The following SYNPR variants were observed in gnomAD, a reference collection of about 807,000 sequenced individuals.
SYNPR encodes the protein synaptoporin.
Under a neutral mutation model 32.9 loss-of-function variants are expected in SYNPR, and 23 were observed. The ratio of observed to expected loss-of-function variants is 0.70; its 90% CI spans 0.50 to 0.99. The LOEUF (loss-of-function observed/expected upper bound fraction) is 0.99. Among genes scored for constraint, SYNPR ranks in the 50% least tolerant of loss-of-function variants. The pLI, the probability that SYNPR is intolerant of heterozygous loss-of-function variation, is 0.00. For missense variants in SYNPR, 318 were observed against 349.3 expected (o/e 0.91, Z 0.71); for synonymous variants, 146 against 135.9 (o/e 1.07, Z -0.52).
chr3:63,530,859 G>C (rs1421844309), intron 3 of SYNPR, among the ~76,000 whole-genome samples: 1 of 152,150 alleles, frequency 6.6e-6, no homozygotes, highest in East Asian at 1.9e-4. Flanking sequence ...GCAAAGCAGA[G>C]TGCCAGTATA....
intron 3 of SYNPR, among the ~76,000 whole-genome samples, chr3:63,490,179 G>C (rs1701233038): frequency 6.6e-6 from 1 of 152,098 alleles, no homozygotes; most frequent in Non-Finnish European, 1.5e-5. Context: ...ATTCCAGGGA[G>C]AGCAAAGGAC....
chr3:63,585,054 C>T (rs927895608), intron 4 of SYNPR, among the ~76,000 whole-genome samples: 15 of 152,020 alleles, frequency 9.9e-5, no homozygotes, highest in Non-Finnish European at 2.2e-4. Flanking sequence ...ATGTTCAGGC[C>T]TGCCATTATC....
At chr3:63,478,128 T>G (rs1463413988) in intron 2 of SYNPR, among the ~76,000 whole-genome samples, 1 of 152,184 alleles carries the variant, frequency 6.6e-6, no homozygotes, top group African/African-American at 2.4e-5. Flanking sequence ...AAAGAAAAAA[T>G]TGTGGTGTAT....
At chr3:63,335,691 A>T (rs568056214) in intron 2 of SYNPR, among the ~76,000 whole-genome samples, 1 of 138,238 alleles carries the variant, frequency 7.2e-6, no homozygotes, top group East Asian at 2.1e-4. Flanking sequence ...TCCTTTACAC[A>T]CTCTCCCTTT....
chr3:63,277,772 G>T (rs919673244), upstream of SYNPR, among the ~76,000 whole-genome samples: 1 of 151,872 alleles, frequency 6.6e-6, no homozygotes, highest in African/African-American at 2.4e-5. Flanking sequence ...TCTGCTCTGC[G>T]CCACTGTCCA....
intron 2 of SYNPR, among the ~76,000 whole-genome samples, chr3:63,464,797 G>A (rs1181671304): frequency 6.6e-6 from 1 of 152,018 alleles, no homozygotes; most frequent in East Asian, 1.9e-4. Context: ...CAACAAATAG[G>A]ATGTCTCTGA....
intron 2 of SYNPR, among the ~76,000 whole-genome samples, chr3:63,403,000 G>A (rs1023891226): frequency 6.6e-6 from 1 of 152,054 alleles, no homozygotes; most frequent in African/African-American, 2.4e-5. Flanking sequence ...GAGACCAAGG[G>A]GCTCTGGACA....
intron 2 of SYNPR, among the ~76,000 whole-genome samples, chr3:63,472,111 T>A (rs924625933): frequency 6.6e-6 from 1 of 152,222 alleles, no homozygotes; most frequent in Non-Finnish European, 1.5e-5. Flanking sequence ...GTCTTACAGA[T>A]GCTTCATGTA....
intron 2 of SYNPR, among the ~76,000 whole-genome samples, chr3:63,340,098 A>T (rs1460967206): frequency 1.3e-5 from 2 of 152,158 alleles, no homozygotes; most frequent in African/African-American, 4.8e-5. Context: ...ACCCTTGGGG[A>T]CTGGAGGTTT....
intron 2 of SYNPR, among the ~76,000 whole-genome samples, chr3:63,260,432 C>G (rs1293876280): frequency 2.0e-5 from 3 of 152,196 alleles, no homozygotes; most frequent in Non-Finnish European, 4.4e-5. Context: ...CTACAACCAT[C>G]TGATCTTTGA....
chr3:63,563,147 C>T (rs573335181), intron 4 of SYNPR, among the ~76,000 whole-genome samples: 34 of 152,164 alleles, frequency 2.2e-4, no homozygotes, highest in Non-Finnish European at 4.3e-4. Flanking sequence ...TGTCTTCCTC[C>T]AGTCCTTCTA....
chr3:63,554,178 T>C (rs955602270), intron 3 of SYNPR, among the ~76,000 whole-genome samples: 14 of 152,244 alleles, frequency 9.2e-5, no homozygotes, highest in Admixed American at 1.3e-4. Context: ...GTCCTGTAGG[T>C]CTTTTCATAG....
chr3:63,500,218 C>T (rs977398984), intron 3 of SYNPR, among the ~76,000 whole-genome samples: 4 of 151,950 alleles, frequency 2.6e-5, no homozygotes, highest in Non-Finnish European at 4.4e-5. Flanking sequence ...CACACTTTAC[C>T]CCATCCTAAA....
At chr3:63,577,103 T>C (rs931925190) in intron 4 of SYNPR, among the ~76,000 whole-genome samples, 1 of 152,158 alleles carries the variant, frequency 6.6e-6, no homozygotes, top group Non-Finnish European at 1.5e-5. Context: ...TCTGGGCCTG[T>C]TGGCAATCTG....
intron 4 of SYNPR, among the ~76,000 whole-genome samples, chr3:63,570,824 A>G (rs776409474): frequency 2.0e-5 from 3 of 152,206 alleles, no homozygotes; most frequent in South Asian, 2.1e-4. Flanking sequence ...ATTATTTCCA[A>G]CACAGCTATT....
chr3:63,311,205 A>C (rs1172756934), intron 2 of SYNPR, among the ~76,000 whole-genome samples: 1 of 151,932 alleles, frequency 6.6e-6, no homozygotes, highest in Non-Finnish European at 1.5e-5. Flanking sequence ...AATGAGATGT[A>C]ATATATTTTG....
At chr3:63,269,221 G>A (rs2086514190) in intron 3 of SYNPR, among the ~76,000 whole-genome samples, 1 of 152,220 alleles carries the variant, frequency 6.6e-6, no homozygotes, top group Non-Finnish European at 1.5e-5. Context: ...AAGTGCAGTG[G>A]CTCACGCCTG....
At chr3:63,245,083 G>T (rs199921415) in intron 1 of SYNPR, among the ~76,000 whole-genome samples, 7 of 152,068 alleles carry the variant, frequency 4.6e-5, no homozygotes, top group African/African-American at 1.7e-4. Flanking sequence ...CATAAGGAAA[G>T]GGATTTTGAG....
chr3:63,284,613 T>C (rs2086662748), intron 2 of SYNPR, among the ~76,000 whole-genome samples: 1 of 152,198 alleles, frequency 6.6e-6, no homozygotes, highest in Admixed American at 6.5e-5. Context: ...TTGATTTAAA[T>C]GGAGACACTA....
Sources: gnomAD v4.1 joint callset for allele counts (sites outside exome capture counted in the v4.1 genomes callset) on GRCh38, gnomAD v4.1.1 for gene constraint, MANE v1.5 for transcripts, NCBI Gene and HGNC (gene_info 2026-07-23, HGNC 2026-07-21) for gene names.